ABHD3: variants seen among roughly 807,000 people sequenced by gnomAD.
The protein encoded by ABHD3 is phospholipase ABHD3.
In ABHD3, 46 loss-of-function variants were observed where a neutral mutation model predicts 48.8. The ratio of observed to expected loss-of-function variants is 0.94; its 90% CI spans 0.74 to 1.20. ABHD3 has a LOEUF of 1.20. Ranked by LOEUF, ABHD3 falls within the 50% of genes most tolerant of loss-of-function variation. ABHD3 has a pLI of 0.00. For synonymous variants in ABHD3, 192 were observed against 183.7 expected (o/e 1.04, Z -0.36); for missense variants, 490 against 497.8 (o/e 0.98, Z 0.15).
Position 21,704,491 on chromosome 18 carries a change from A to AC in ABHD3, c.162+12dup. The AC allele has an allele frequency of 7.1e-7, 1 of 1,398,826 alleles. No homozygotes were observed. 86.7% of individuals were successfully genotyped at this position (1,398,826 alleles called of 1,614,324 possible). A position where few individuals can be genotyped will look rare whatever the true frequency, so the allele number is the denominator to read the frequency against. On this transcript the variant is annotated intron_variant, in intron 1 of 8. Coordinates refer to ENST00000289119, the MANE Select transcript of ABHD3 (RefSeq NM_138340.5). ...GCCCAGCAGCCCGCGGCCCTGCGCC[A>AC]CCCCCGGCTCACCTTGGCAATGCTG...
chr18:21,689,187 TC>T (rs1232237390), intron 3 of ABHD3, among the ~76,000 whole-genome samples: 1 of 152,164 alleles, frequency 6.6e-6, no homozygotes, highest in Non-Finnish European at 1.5e-5. Flanking sequence ...TTACAGCTTC[TC>T]CTTTTTTTAC....
Position 21,664,100 on chromosome 18 carries a change from A to C in ABHD3, c.668+18T>G. On this transcript the variant is annotated intron_variant, in intron 5 of 8. Transcript: ENST00000289119. The stretch of plus-strand genomic sequence containing the variant: ...TAGCTTCCCTCTCAGAGATTATTTT[A>C]GAAAGGGAAAACCTTACCCTCCCAT... 1 of 1,597,502 alleles carries C rather than the reference A, an allele frequency of 6.3e-7. No individual in the cohort carries two copies. The highest frequency in any genetic ancestry group is 8.5e-7 in the Non-Finnish European group (1 of 1,175,886).
Position 21,651,426 on chromosome 18 carries a change from C to T in ABHD3, c.*165G>A. 1 of 646,012 alleles carries T rather than the reference C, an allele frequency of 1.5e-6. No homozygotes were observed. The allele number at this position is 646,012 out of a possible 1,614,324, so 40.0% of individuals were successfully genotyped here. A position where few individuals can be genotyped will look rare whatever the true frequency, so the allele number is the denominator to read the frequency against. ...TAATACTATATTTAATTTGTTGCTA[C>T]AAAGTTGTTTTGTTTCTCTAAAAAG... On this transcript the variant is annotated 3_prime_UTR_variant, in exon 9 of 9. Coordinates refer to ENST00000289119, the MANE Select transcript of ABHD3 (RefSeq NM_138340.5).
At chr18:21,670,793 T>C (rs2146299983) in intron 4 of ABHD3, among the ~76,000 whole-genome samples, 1 of 152,240 alleles carries the variant, frequency 6.6e-6, no homozygotes, top group Non-Finnish European at 1.5e-5. Flanking sequence ...GGAGGGTGGA[T>C]CACTTGAGGT....
chr18:21,681,052 C>T (rs1285821558), intron 4 of ABHD3, among the ~76,000 whole-genome samples: 1 of 151,870 alleles, frequency 6.6e-6, no homozygotes, highest in Non-Finnish European at 1.5e-5. Flanking sequence ...CTTCTAACCA[C>T]CAATCTCCCC....
chr18:21,701,841 A>C (rs1346789786), intron 3 of ABHD3: 1 of 152,330 alleles, frequency 6.6e-6, no homozygotes, highest in East Asian at 1.9e-4. Context: ...GAAGAGGCAG[A>C]GATCACCTTT....
chr18:21,672,836 C>T (rs1420019574), intron 4 of ABHD3, among the ~76,000 whole-genome samples: 1 of 150,646 alleles, frequency 6.6e-6, no homozygotes, highest in Non-Finnish European at 1.5e-5. Flanking sequence ...ATCATTTCAC[C>T]CAGTCATTGA....
chr18:21,654,390 T>C (rs955256593), intron 8 of ABHD3, among the ~76,000 whole-genome samples: 2 of 152,156 alleles, frequency 1.3e-5, no homozygotes, highest in African/African-American at 4.8e-5. Flanking sequence ...ACAAATTGAC[T>C]GTTTAGACAG....
chr18:21,683,851 T>G (rs763276578), intron 4 of ABHD3, 69 bp downstream of exon 4: 1 of 1,407,424 alleles, frequency 7.1e-7, no homozygotes, highest in African/African-American at 1.5e-5. Context: ...AAAAAGAATA[T>G]GCTTTTTGTT....
intron 3 of ABHD3, among the ~76,000 whole-genome samples, chr18:21,694,095 ATT>A (rs66921186): frequency 1.3e-5 from 2 of 151,802 alleles, no homozygotes; most frequent in African/African-American, 4.8e-5. Flanking sequence ...TCAGGATCAC[ATT>A]TTTTTTTAAA....
intron 3 of ABHD3, among the ~76,000 whole-genome samples, chr18:21,689,557 A>AAAG (rs1456173384): frequency 1.4e-5 from 2 of 146,810 alleles, no homozygotes; most frequent in African/African-American, 5.0e-5. Context: ...CTCAAAAAAA[A>AAAG]AAAAAAAAAA....
At chr18:21,698,683 T>A (rs889135454) in intron 3 of ABHD3, among the ~76,000 whole-genome samples, 1 of 152,010 alleles carries the variant, frequency 6.6e-6, no homozygotes, top group African/African-American at 2.4e-5. Context: ...TTCAAGCAGT[T>A]CTTCTGCCTC....
At chr18:21,684,841 G>C (rs1006336690) in intron 3 of ABHD3, among the ~76,000 whole-genome samples, 4 of 152,144 alleles carry the variant, frequency 2.6e-5, no homozygotes, top group African/African-American at 9.7e-5. Context: ...CTACTGCTTA[G>C]TGTTCAGTTG....
intron 5 of ABHD3, among the ~76,000 whole-genome samples, chr18:21,660,165 T>G (rs2039458911): frequency 1.4e-5 from 2 of 143,690 alleles, no homozygotes; most frequent in Non-Finnish European, 3.0e-5. Context: ...TTTTTTTTTG[T>G]AGAGATGAGG....
At chr18:21,704,267 CAGA>C (rs1375517710) in intron 1 of ABHD3, among the ~76,000 whole-genome samples, 2 of 152,186 alleles carry the variant, frequency 1.3e-5, no homozygotes, top group African/African-American at 4.8e-5. Context: ...CGCCGCAGCG[CAGA>C]AGTCAGCCGG....
chr18:21,685,017 C>CA (rs1318647673), intron 3 of ABHD3, among the ~76,000 whole-genome samples: 1 of 152,170 alleles, frequency 6.6e-6, no homozygotes, highest in East Asian at 1.9e-4. Flanking sequence ...GTGCTGGTTT[C>CA]AAAAGTTATT....
intron 3 of ABHD3, among the ~76,000 whole-genome samples, chr18:21,684,311 C>CTTTTTTTTTTTT (rs564516602): frequency 1.2e-5 from 1 of 82,814 alleles, no homozygotes; most frequent in Non-Finnish European, 2.1e-5. Context: ...AATGTTTTTG[C>CTTTTTTTTTTTT]TTTTTTTTTT....
chr18:21,655,672 T>G lies in ABHD3; in HGVS notation c.1057+1189A>C, dbSNP rs181866408. Among the ~76,000 whole-genome samples the G allele has an allele frequency of 7.3e-3, 1,105 of 151,260 alleles. 14 individuals are homozygous for G. Among genetic ancestry groups the G allele is most frequent in the African/African-American group, 0.024 (997 of 41,178 alleles). ...CTGGCCAACATGGTGAAACCCTATC[T>G]CTACTAAAAATACAAAAATTAGCCA... On this transcript the variant is annotated intron_variant, in intron 8 of 8. Transcript: ENST00000289119.
rs141622931 is a variant in ABHD3 at position 21,679,766 on chromosome 18, C to T, written c.555+4154G>A. 8.9e-3 allele frequency among the ~76,000 whole-genome samples: 1,354 copies of T among 152,272 alleles called. 18 individuals are homozygous for T. Among genetic ancestry groups the T allele is most frequent in the African/African-American group, 0.031 (1,278 of 41,554 alleles). On this transcript the variant is annotated intron_variant, in intron 4 of 8. Transcript: ENST00000289119. Reference sequence around the variant, plus strand: ...GGTCTCAAACTCCTGACCTCATGATCCACGCACCTCAGCCTCCCAAAGTGC... The same window carrying T: ...GGTCTCAAACTCCTGACCTCATGATTCACGCACCTCAGCCTCCCAAAGTGC...
Sources: gnomAD v4.1 joint callset for allele counts (sites outside exome capture counted in the v4.1 genomes callset) on GRCh38, gnomAD v4.1.1 for gene constraint, MANE v1.5 for transcripts, NCBI Gene and HGNC (gene_info 2026-07-23, HGNC 2026-07-21) for gene names.